The following KCNT1 variants were observed in gnomAD, a reference collection of about 807,000 sequenced individuals.
The protein encoded by KCNT1 is potassium sodium-activated channel subfamily T member 1.
A neutral mutation model predicts 147.8 loss-of-function variants in KCNT1; 78 were observed. The observed-to-expected ratio is 0.53, with a 90% CI of 0.44 to 0.64. The LOEUF (loss-of-function observed/expected upper bound fraction) is 0.64, where lower values mean the gene tolerates loss of function less well. Among genes scored for constraint, KCNT1 ranks in the 30% least tolerant of loss-of-function variants. The pLI, the probability that KCNT1 is intolerant of heterozygous loss-of-function variation, is 0.00. For synonymous variants in KCNT1, 867 were observed against 748.8 expected (o/e 1.16, Z -2.58); for missense variants, 1,419 against 1,750.3 (o/e 0.81, Z 3.38).
At chr9:135,777,248 G>C (rs550039093) in intron 20 of KCNT1, 90 bp from the exon 21 acceptor site, 1 of 1,377,812 alleles carries the variant, frequency 7.3e-7, no homozygotes, top group Admixed American at 1.9e-5. Context: ...GTGTTCACGG[G>C]GGATGTTTGG....
intron 20 of KCNT1, among the ~76,000 whole-genome samples, chr9:135,776,781 G>A (rs1833202920): frequency 6.6e-6 from 1 of 152,220 alleles, no homozygotes; most frequent in Non-Finnish European, 1.5e-5. Flanking sequence ...CAGTTCACTG[G>A]GTGGGGTGGG....
rs756986311 is a variant in KCNT1, at chr9:135,792,104, C to G, written c.3651C>G (p.Ser1217Arg). Residue 1217 changes from serine to arginine, a missense_variant, in exon 31 of 31, where the codon AGC becomes AGG. Ser to Arg is a moderately radical substitution (Grantham distance 110). This residue lies in a region of KCNT1 where 306 missense variants were observed against 294.2 expected (regional missense o/e 1.04). Coordinates refer to ENST00000371757, the MANE Select transcript of KCNT1 (RefSeq NM_020822.3). ...VASSSQSRKS[S>R]CSHKLSSCNP... Reference sequence around the variant, plus strand: ...GCAGCTCCCAGAGCCGGAAGAGCAGCTGCAGCCACAAGCTGTCGTCCTGCA... The same window carrying G: ...GCAGCTCCCAGAGCCGGAAGAGCAGGTGCAGCCACAAGCTGTCGTCCTGCA... 18 of 1,604,480 alleles carry G rather than the reference C, an allele frequency of 1.1e-5. No homozygotes were observed. Among genetic ancestry groups the G allele is most frequent in the Admixed American group, 3.3e-5 (2 of 59,826 alleles).
intron 2 of KCNT1, among the ~76,000 whole-genome samples, chr9:135,747,558 CAGAG>C (rs1489219099): frequency 6.6e-6 from 1 of 152,152 alleles, no homozygotes; most frequent in African/African-American, 2.4e-5. Flanking sequence ...GACATCCATT[CAGAG>C]AGAAAGACGG....
At chr9:135,757,850 C>T (rs757465484) in intron 9 of KCNT1, among the ~76,000 whole-genome samples, 10 of 152,212 alleles carry the variant, frequency 6.6e-5, no homozygotes, top group Admixed American at 1.3e-4. Context: ...GTTCCCTAGG[C>T]GCCCACCCTC....
intron 2 of KCNT1, among the ~76,000 whole-genome samples, chr9:135,738,306 C>T (rs1477359725): frequency 6.6e-6 from 1 of 152,202 alleles, no homozygotes; most frequent in Non-Finnish European, 1.5e-5. Flanking sequence ...TTTTGCAGAG[C>T]AGAGGTAATG....
At chr9:135,708,377 A>G (rs1835344123) in intron 1 of KCNT1, among the ~76,000 whole-genome samples, 1 of 152,128 alleles carries the variant, frequency 6.6e-6, no homozygotes. Flanking sequence ...TCATTTACAC[A>G]CACATCAGCA....
rs759235951 is a variant in KCNT1, at chr9:135,788,105, G to A, written c.3502+1584G>A. ...TCTTTCTGTGTGTTCTGTAGAGGACGTAGCAAATTTAACAGCCAGTGATGT... is the reference window on the plus strand; with the variant it reads ...TCTTTCTGTGTGTTCTGTAGAGGACATAGCAAATTTAACAGCCAGTGATGT... On this transcript the variant is annotated intron_variant, in intron 29 of 30. Coordinates refer to ENST00000371757, the MANE Select transcript of KCNT1 (RefSeq NM_020822.3). 20 of 1,608,914 alleles carry A rather than the reference G, an allele frequency of 1.2e-5. No homozygotes were observed. Among genetic ancestry groups the A allele is most frequent in the Middle Eastern group, 1.6e-4 (1 of 6,080 alleles).
At chr9:135,781,935 TG>T (rs1833639993) in intron 24 of KCNT1, among the ~76,000 whole-genome samples, 1 of 152,014 alleles carries the variant, frequency 6.6e-6, no homozygotes, top group African/African-American at 2.4e-5. Context: ...ATTTAATGGC[TG>T]GGGGCGGTGG....
intron 1 of KCNT1, among the ~76,000 whole-genome samples, chr9:135,712,154 C>T (rs570581415): frequency 3.0e-4 from 45 of 152,238 alleles, no homozygotes; most frequent in African/African-American, 9.6e-4. Context: ...TGGGCTGCCC[C>T]GGCCTTGTCT....
chr9:135,754,685 C>T (rs1257586065), intron 5 of KCNT1, among the ~76,000 whole-genome samples: 1 of 152,210 alleles, frequency 6.6e-6, no homozygotes, highest in Non-Finnish European at 1.5e-5. Context: ...TTAGATAGCC[C>T]GACCTCCCTG....
chr9:135,752,165 C>T lies in KCNT1; in HGVS notation c.434+1124C>T. ...ATCCAGCCATCGGGGTGAACCCTGC[C>T]AGCATGCTGGTCCCCCCTCTGGCTG... On this transcript the variant is annotated intron_variant, in intron 4 of 30. Coordinates refer to ENST00000371757, the MANE Select transcript of KCNT1 (RefSeq NM_020822.3). The surrounding 1 kb of genome is among the most constrained non-coding windows in gnomAD (Gnocchi z 5.1). The T allele has an allele frequency of 2.9e-6, 1 of 348,732 alleles. No individual in the cohort carries two copies. Among genetic ancestry groups the T allele is most frequent in the Non-Finnish European group, 5.7e-6 (1 of 176,070 alleles). The allele number at this position is 348,732 out of a possible 1,614,324, so 21.6% of individuals were successfully genotyped here. A position where few individuals can be genotyped will look rare whatever the true frequency, so the allele number is the denominator to read the frequency against.
chr9:135,761,094 C>T (rs1213717098), intron 11 of KCNT1, among the ~76,000 whole-genome samples: 1 of 152,028 alleles, frequency 6.6e-6, no homozygotes, highest in African/African-American at 2.4e-5. Flanking sequence ...CCTCGAACTC[C>T]TGGGCTCAAG....
intron 12 of KCNT1, 104 bp downstream of exon 12, chr9:135,765,299 T>TA: frequency 1.9e-6 from 2 of 1,058,702 alleles, no homozygotes; most frequent in Non-Finnish European, 2.8e-6. Context: ...CTCTCAGCCT[T>TA]GGTTTACCCC....
chr9:135,768,472 C>T (rs1000325169), intron 13 of KCNT1, 138 bp from the exon 14 acceptor site: 5 of 631,658 alleles, frequency 7.9e-6, no homozygotes, highest in African/African-American at 3.7e-5. Context: ...TCCATCCAGC[C>T]GTCCTCTCAG....
At chr9:135,742,813 AGT>A in intron 2 of KCNT1, 1 of 716,990 alleles carries the variant, frequency 1.4e-6, no homozygotes, top group Non-Finnish European at 2.6e-6. Flanking sequence ...TCCCTGTCTC[AGT>A]AAGTGCTTTG....
At chr9:135,791,916 CCT>C (rs771587527) in intron 30 of KCNT1, 35 bp downstream of exon 30, 216 of 1,612,400 alleles carry the variant, frequency 1.3e-4, no homozygotes, top group Non-Finnish European at 1.8e-4. Context: ...GGAGACCCCC[CCT>C]GAGCACCAGG....
At position 135,792,393 on chromosome 9, in the gene KCNT1, G is replaced by T; in HGVS notation, c.*232G>T. On this transcript the variant is annotated 3_prime_UTR_variant, in exon 31 of 31. Transcript: ENST00000371757. ...GTTTTTTAACCTATTTTTACACGTC[G>T]ATGCAGTCCACTTCTCTTTACACAG... 4.2e-6 allele frequency: 2 copies of T among 471,948 alleles called. No individual in the cohort carries two copies. Among genetic ancestry groups the T allele is most frequent in the Non-Finnish European group, 7.7e-6 (2 of 258,932 alleles). 29.2% of individuals were successfully genotyped at this position (471,948 alleles called of 1,614,324 possible).
chr9:135,738,685 G>A (rs936271010), intron 2 of KCNT1, among the ~76,000 whole-genome samples: 3 of 152,120 alleles, frequency 2.0e-5, no homozygotes, highest in South Asian at 2.1e-4. Flanking sequence ...AGGCGTTGTC[G>A]GGGGAGGGCA....
chr9:135,763,560 G>A (rs1190780091), intron 11 of KCNT1, among the ~76,000 whole-genome samples: 1 of 152,138 alleles, frequency 6.6e-6, no homozygotes. Flanking sequence ...CTTTGGGGGA[G>A]ATTGTCCCAT....
Sources: allele counts gnomAD v4.1 joint callset (sites outside exome capture counted in the v4.1 genomes callset), GRCh38; gene constraint gnomAD v4.1.1; regional missense constraint gnomAD v4.1.1; non-coding constraint Gnocchi (gnomAD v3.1); transcripts MANE v1.5; gene names NCBI Gene and HGNC (gene_info 2026-07-23, HGNC 2026-07-21).